Variants in KLF7 observed in about 807,000 individuals in gnomAD.
The protein encoded by KLF7 is KLF transcription factor 7.
KLF7 carries 2 observed loss-of-function variants against 27.3 expected under a neutral mutation model. The observed-to-expected ratio is 0.07, with a 90% CI of 0.03 to 0.23. KLF7 has a LOEUF of 0.23. Among genes scored for constraint, KLF7 ranks in the 10% least tolerant of loss-of-function variants. The pLI is 1.00. For synonymous variants in KLF7, 165 were observed against 162.4 expected, an observed-to-expected ratio of 1.02 and a Z score of -0.12; for missense variants, 221 against 394.1, an observed-to-expected ratio of 0.56 and a Z score of 3.72.
chr2:207,097,208 A>C (rs970750270), intron 2 of KLF7, among the ~76,000 whole-genome samples: 16 of 152,138 alleles, frequency 1.1e-4, no homozygotes, highest in Non-Finnish European at 2.1e-4. Context: ...TTGTAAAGGT[A>C]TTTAATAACT....
intron 2 of KLF7, among the ~76,000 whole-genome samples, chr2:207,090,729 A>T (rs2076491599): frequency 6.6e-6 from 1 of 152,198 alleles, no homozygotes; most frequent in Non-Finnish European, 1.5e-5. Flanking sequence ...AATGAATCCA[A>T]AACAGGGAGT....
intron 2 of KLF7, among the ~76,000 whole-genome samples, chr2:207,118,100 A>G (rs1477044368): frequency 1.3e-5 from 2 of 152,208 alleles, no homozygotes; most frequent in African/African-American, 4.8e-5. Flanking sequence ...AATTTCTAAC[A>G]ACAGGGACTT....
chr2:207,119,779 C>T (rs1271773225), intron 2 of KLF7, among the ~76,000 whole-genome samples: 1 of 152,170 alleles, frequency 6.6e-6, no homozygotes, highest in Non-Finnish European at 1.5e-5. Context: ...TCTCGGCGCA[C>T]TGCAACCTCC....
chr2:207,146,258 C>A (rs539491097), intron 1 of KLF7, among the ~76,000 whole-genome samples: 2 of 152,278 alleles, frequency 1.3e-5, no homozygotes, highest in African/African-American at 2.4e-5. Context: ...CATGTATATT[C>A]CCCACATTCT....
intron 2 of KLF7, among the ~76,000 whole-genome samples, chr2:207,095,952 A>G (rs1467893141): frequency 1.3e-5 from 2 of 152,202 alleles, no homozygotes; most frequent in Non-Finnish European, 2.9e-5. Flanking sequence ...GAAAATTTAA[A>G]GTTACATATG....
intron 3 of KLF7, among the ~76,000 whole-genome samples, chr2:207,085,489 C>T (rs2076367068): frequency 6.6e-6 from 1 of 152,162 alleles, no homozygotes; most frequent in African/African-American, 2.4e-5. Context: ...CCACTTATCC[C>T]TCTAGCCACT....
At chr2:207,163,317 G>C (rs543009919) in intron 1 of KLF7, among the ~76,000 whole-genome samples, 7 of 152,212 alleles carry the variant, frequency 4.6e-5, no homozygotes, top group Non-Finnish European at 8.8e-5. Flanking sequence ...AGTTGGAGAG[G>C]GTTAAGGCAA....
chr2:207,167,094 C>CTGGAGCCGGCAGCTTGCGAG, upstream of KLF7: 1 of 1,392,834 alleles, frequency 7.2e-7, no homozygotes, highest in Non-Finnish European at 9.3e-7. Context: ...GGGGCGCAAG[C>CTGGAGCCGGCAGCTTGCGAG]TGGAGCCGGC....
intron 2 of KLF7, among the ~76,000 whole-genome samples, chr2:207,105,182 A>C (rs1025583746): frequency 6.6e-6 from 1 of 152,238 alleles, no homozygotes. Flanking sequence ...GAAGGCCAAC[A>C]GCAAAGCAAG....
chr2:207,117,584 G>A (rs565579601), intron 2 of KLF7, among the ~76,000 whole-genome samples: 22 of 152,068 alleles, frequency 1.4e-4, no homozygotes, highest in African/African-American at 5.1e-4. Context: ...TCTTAAAATC[G>A]CCCCATTTCA....
At chr2:207,171,966 G>A (rs1029636457), upstream of KLF7, among the ~76,000 whole-genome samples, 11 of 152,302 alleles carry the variant, frequency 7.2e-5, no homozygotes, top group African/African-American at 2.6e-4. Context: ...GAAAGTGATT[G>A]TTGGTTTAAT....
chr2:207,101,479 A>C (rs2076763993), intron 2 of KLF7, among the ~76,000 whole-genome samples: 1 of 152,250 alleles, frequency 6.6e-6, no homozygotes, highest in Admixed American at 6.5e-5. Flanking sequence ...AAGGGCAAGA[A>C]GTATTTCCTG....
intron 2 of KLF7, among the ~76,000 whole-genome samples, chr2:207,121,215 C>G (rs990758669): frequency 6.6e-6 from 1 of 152,180 alleles, no homozygotes; most frequent in Non-Finnish European, 1.5e-5. Flanking sequence ...TGTCATCACC[C>G]CACATCCCAT....
intron 1 of KLF7, chr2:207,149,220 A>T: frequency 8.2e-7 from 1 of 1,214,482 alleles, no homozygotes; most frequent in Non-Finnish European, 1.1e-6. Context: ...AAAAATTAAA[A>T]ATCTGTTAAA....
At chr2:207,103,436 A>G (rs1447589930) in intron 2 of KLF7, among the ~76,000 whole-genome samples, 1 of 152,224 alleles carries the variant, frequency 6.6e-6, no homozygotes, top group African/African-American at 2.4e-5. Context: ...TGCAGACTTT[A>G]TATTAAAGAG....
chr2:207,110,129 C>G (rs777016225), intron 2 of KLF7: 2 of 154,806 alleles, frequency 1.3e-5, no homozygotes, highest in South Asian at 4.1e-4. Flanking sequence ...GCATAATTCA[C>G]AGCTCCTGAC....
At chr2:207,127,221 T>C (rs2077504227) in intron 1 of KLF7, among the ~76,000 whole-genome samples, 1 of 152,138 alleles carries the variant, frequency 6.6e-6, no homozygotes. Context: ...TTTGCAATCC[T>C]AATACAGGGC....
chr2:207,130,534 T>C (rs1388046461), intron 1 of KLF7, among the ~76,000 whole-genome samples: 2 of 152,224 alleles, frequency 1.3e-5, no homozygotes, highest in Non-Finnish European at 2.9e-5. Context: ...TCTAAGTGTT[T>C]GAAGTGATGG....
In KLF7 at chr2:207,124,420, G is replaced by C; in HGVS notation, c.103-16C>G. ...CAAGGCATGTCTGCAAGAGGAAGAAGGAGGGAGAGAAACAGCCATCAGAGG... is the reference window on the plus strand; with the variant it reads ...CAAGGCATGTCTGCAAGAGGAAGAACGAGGGAGAGAAACAGCCATCAGAGG... On this transcript the variant is annotated splice_polypyrimidine_tract_variant and intron_variant, in intron 1 of 3. Transcript: ENST00000309446. 1 of 1,537,144 alleles carries C rather than the reference G, an allele frequency of 6.5e-7. No homozygotes were observed. Among genetic ancestry groups the C allele is most frequent in the Non-Finnish European group, 8.8e-7 (1 of 1,139,846 alleles).
Sources: allele counts gnomAD v4.1 joint callset (sites outside exome capture counted in the v4.1 genomes callset), GRCh38; gene constraint gnomAD v4.1.1; transcripts MANE v1.5; gene names NCBI Gene and HGNC (gene_info 2026-07-23, HGNC 2026-07-21).